Variants in GRB10 observed in about 807,000 individuals in gnomAD.
The protein encoded by GRB10 is growth factor receptor bound protein 10.
In GRB10, 20 loss-of-function variants were observed where a neutral mutation model predicts 80.9. The observed-to-expected ratio is 0.25, with a 90% CI of 0.17 to 0.36. The LOEUF (loss-of-function observed/expected upper bound fraction) is 0.36, where lower values mean the gene tolerates loss of function less well. Ranked by LOEUF, GRB10 falls within the 10% of genes least tolerant of loss-of-function variation. The pLI is 1.00. For missense variants in GRB10, 548 were observed against 747.7 expected, an observed-to-expected ratio of 0.73 and a Z score of 3.12; for synonymous variants, 291 against 291.5, an observed-to-expected ratio of 1.00 and a Z score of 0.02.
intron 7 of GRB10, among the ~76,000 whole-genome samples, chr7:50,647,687 G>A (rs756974417): frequency 6.6e-5 from 10 of 152,200 alleles, no homozygotes; most frequent in Non-Finnish European, 1.3e-4. Flanking sequence ...GCCACAGGCC[G>A]ACTGTGATGC....
At chr7:50,692,664 T>A (rs1053013967) in intron 5 of GRB10, among the ~76,000 whole-genome samples, 9 of 152,158 alleles carry the variant, frequency 5.9e-5, no homozygotes. Context: ...GAAGTATGAC[T>A]TCAGACCAGG....
chr7:50,662,994 A>G (rs2059431536), intron 7 of GRB10, among the ~76,000 whole-genome samples: 1 of 152,222 alleles, frequency 6.6e-6, no homozygotes, highest in Non-Finnish European at 1.5e-5. Flanking sequence ...ACATAGATTC[A>G]TTTGTTGATT....
At chr7:50,767,887 G>A (rs1234116700) in intron 2 of GRB10, among the ~76,000 whole-genome samples, 3 of 152,162 alleles carry the variant, frequency 2.0e-5, no homozygotes, top group Non-Finnish European at 4.4e-5. Flanking sequence ...TCAATGACCT[G>A]TTCTGCCTTC....
chr7:50,745,999 T>G (rs1279824798), intron 3 of GRB10, among the ~76,000 whole-genome samples: 1 of 152,188 alleles, frequency 6.6e-6, no homozygotes, highest in South Asian at 2.1e-4. Context: ...TCTTCCCAAT[T>G]AGGCCCCAGA....
At chr7:50,733,117 G>A (rs1215951820) in intron 3 of GRB10, among the ~76,000 whole-genome samples, 1 of 151,984 alleles carries the variant, frequency 6.6e-6, no homozygotes, top group African/African-American at 2.4e-5. Flanking sequence ...AGATGATGAG[G>A]GTGGGCCCTA....
chr7:50,771,733 C>A (rs1480923477), intron 2 of GRB10, among the ~76,000 whole-genome samples: 2 of 152,156 alleles, frequency 1.3e-5, no homozygotes, highest in African/African-American at 4.8e-5. Context: ...AGGAATGAAC[C>A]CCAGGCCTCC....
intron 3 of GRB10, among the ~76,000 whole-genome samples, chr7:50,744,465 C>T (rs909069416): frequency 6.6e-6 from 1 of 152,164 alleles, no homozygotes; most frequent in African/African-American, 2.4e-5. Context: ...TAATTTTTTA[C>T]TCCCCAAAAA....
chr7:50,620,269 C>A (rs1056408390), intron 8 of GRB10, among the ~76,000 whole-genome samples: 4 of 152,174 alleles, frequency 2.6e-5, no homozygotes, highest in Non-Finnish European at 5.9e-5. Flanking sequence ...GATTAACATG[C>A]TATGGAATTG....
At chr7:50,724,135 A>G (rs934535761) in intron 4 of GRB10, among the ~76,000 whole-genome samples, 3 of 152,200 alleles carry the variant, frequency 2.0e-5, no homozygotes, top group Non-Finnish European at 4.4e-5. Context: ...TGACACACCA[A>G]GGCCACAATG....
intron 7 of GRB10, among the ~76,000 whole-genome samples, chr7:50,666,167 G>A (rs909274270): frequency 6.6e-6 from 1 of 152,158 alleles, no homozygotes. Context: ...TGCCTGCCAC[G>A]TCTTAGACTA....
At chr7:50,600,755 T>C (rs1391406790) in intron 17 of GRB10, among the ~76,000 whole-genome samples, 1 of 152,194 alleles carries the variant, frequency 6.6e-6, no homozygotes, top group African/African-American at 2.4e-5. Flanking sequence ...AGTCCTTCCA[T>C]ACATGAAACG....
intron 5 of GRB10, among the ~76,000 whole-genome samples, chr7:50,678,776 G>C (rs1413373409): frequency 1.3e-5 from 2 of 152,156 alleles, no homozygotes; most frequent in African/African-American, 4.8e-5. Context: ...TAAGGACTCT[G>C]TGTGCCACCT....
intron 5 of GRB10, among the ~76,000 whole-genome samples, chr7:50,686,355 T>A (rs1489699981): frequency 6.6e-6 from 1 of 152,186 alleles, no homozygotes; most frequent in Non-Finnish European, 1.5e-5. Flanking sequence ...CTCCCCAGCC[T>A]CCAAAGCTGG....
In GRB10 at chr7:50,622,585, G is replaced by A. The variant is rs2052004227; in HGVS notation, c.662-3300C>T. Among the ~76,000 whole-genome samples the A allele has an allele frequency of 1.3e-5, 2 of 152,082 alleles. 1 individual carries two copies. The highest frequency in any genetic ancestry group is 4.1e-4 in the South Asian group (2 of 4,828). On this transcript the variant is annotated intron_variant, in intron 8 of 18. Coordinates refer to ENST00000401949, the MANE Select transcript of GRB10 (RefSeq NM_001350814.2). Reference sequence around the variant, plus strand: ...TCTCTTTACTGTGTTCTCTGTGTAAGTTCCAGCCTCTCTCCCAGATTATCT... The same window carrying A: ...TCTCTTTACTGTGTTCTCTGTGTAAATTCCAGCCTCTCTCCCAGATTATCT...
upstream of GRB10, among the ~76,000 whole-genome samples, chr7:50,787,161 T>C (rs2078726188): frequency 6.6e-6 from 1 of 152,082 alleles, no homozygotes; most frequent in Non-Finnish European, 1.5e-5. Context: ...GAAGAGACGA[T>C]GAAGAGACAA....
chr7:50,639,542 A>G (rs1024644967), intron 7 of GRB10, among the ~76,000 whole-genome samples: 17 of 152,234 alleles, frequency 1.1e-4, no homozygotes, highest in South Asian at 4.1e-4. Context: ...GCGTAGTGGC[A>G]GGCGCCTGTA....
At chr7:50,630,485 G>A (rs1047034437) in intron 7 of GRB10, among the ~76,000 whole-genome samples, 3 of 152,292 alleles carry the variant, frequency 2.0e-5, no homozygotes, top group South Asian at 2.1e-4. Context: ...TGGATCCACC[G>A]TGGATCTGGG....
chr7:50,620,654 TG>T (rs574336261), intron 8 of GRB10, among the ~76,000 whole-genome samples: 237 of 152,324 alleles, frequency 1.6e-3, no homozygotes, highest in African/African-American at 5.6e-3. Context: ...CCACCAAGTG[TG>T]GAGCAGTTCC....
chr7:50,622,607 A>G (rs925975423), intron 8 of GRB10, among the ~76,000 whole-genome samples: 1 of 152,090 alleles, frequency 6.6e-6, no homozygotes, highest in Non-Finnish European at 1.5e-5. Context: ...CTCCCAGATT[A>G]TCTGACCTTA....
Sources: allele counts gnomAD v4.1 joint callset (sites outside exome capture counted in the v4.1 genomes callset), GRCh38; gene constraint gnomAD v4.1.1; transcripts MANE v1.5; gene names NCBI Gene and HGNC (gene_info 2026-07-23, HGNC 2026-07-21).